Variants in SORBS2 observed in about 807,000 individuals in gnomAD.
SORBS2 encodes the protein sorbin and SH3 domain containing 2.
A neutral mutation model predicts 97.7 loss-of-function variants in SORBS2; 46 were observed. The observed-to-expected ratio is 0.47, with a 90% CI of 0.37 to 0.60. The LOEUF is 0.60. Among genes scored for constraint, SORBS2 ranks in the 20% least tolerant of loss-of-function variants. SORBS2 has a pLI of 0.00. For missense variants in SORBS2, 1,316 were observed against 1,282.3 expected (o/e 1.03, Z -0.40); for synonymous variants, 476 against 473.4 (o/e 1.01, Z -0.07).
At chr4:185,880,544 C>T (rs1360822869) in intron 1 of SORBS2, among the ~76,000 whole-genome samples, 11 of 152,148 alleles carry the variant, frequency 7.2e-5, no homozygotes, top group Admixed American at 5.2e-4. Context: ...CAAAGAATGT[C>T]TTGAAAGCAT....
chr4:185,929,182 C>A (rs1032174413), intron 1 of SORBS2, among the ~76,000 whole-genome samples: 2 of 152,232 alleles, frequency 1.3e-5, no homozygotes, highest in East Asian at 3.9e-4. Flanking sequence ...AGCTTGTTAC[C>A]ACTGTGGGTT....
intron 1 of SORBS2, among the ~76,000 whole-genome samples, chr4:185,786,011 T>C (rs1316436396): frequency 6.6e-6 from 1 of 152,210 alleles, no homozygotes; most frequent in Non-Finnish European, 1.5e-5. Flanking sequence ...AAAAATTATT[T>C]GCAAATTGAT....
intron 12 of SORBS2, among the ~76,000 whole-genome samples, chr4:185,605,881 G>C (rs2096406791): frequency 1.3e-5 from 2 of 152,170 alleles, no homozygotes; most frequent in Admixed American, 1.3e-4. Flanking sequence ...TTTGTTTTAA[G>C]AGAGAGGTTT....
chr4:185,915,810 T>G (rs2099257824), intron 1 of SORBS2, among the ~76,000 whole-genome samples: 1 of 152,098 alleles, frequency 6.6e-6, no homozygotes, highest in Non-Finnish European at 1.5e-5. Context: ...GGAACGTAGC[T>G]CTCTAAGAAG....
At chr4:185,886,387 C>T (rs899534041) in intron 1 of SORBS2, among the ~76,000 whole-genome samples, 72 of 151,898 alleles carry the variant, frequency 4.7e-4, no homozygotes, top group African/African-American at 1.6e-3. Context: ...AACCCCATCT[C>T]TACTAAAAAT....
intron 1 of SORBS2, among the ~76,000 whole-genome samples, chr4:185,655,695 A>T (rs1465752046): frequency 6.6e-6 from 1 of 152,232 alleles, no homozygotes; most frequent in Non-Finnish European, 1.5e-5. Flanking sequence ...GGCAGTTGAT[A>T]AACATTTTAA....
At chr4:185,940,286 T>C (rs529025454) in intron 1 of SORBS2, among the ~76,000 whole-genome samples, 1 of 152,342 alleles carries the variant, frequency 6.6e-6, no homozygotes, top group South Asian at 2.1e-4. Flanking sequence ...AGTTACCACT[T>C]GCAGGATCCC....
At chr4:185,807,796 G>C (rs1477814235) in intron 1 of SORBS2, among the ~76,000 whole-genome samples, 1 of 152,122 alleles carries the variant, frequency 6.6e-6, no homozygotes, top group Non-Finnish European at 1.5e-5. Context: ...GGATTTAACA[G>C]GCATATCCAT....
chr4:185,846,023 C>T (rs1414064381), intron 1 of SORBS2, among the ~76,000 whole-genome samples: 1 of 152,198 alleles, frequency 6.6e-6, no homozygotes, highest in Non-Finnish European at 1.5e-5. Context: ...AAACTTCATG[C>T]CACCTGGCAG....
At chr4:185,636,074 G>T (rs1201856736) in intron 4 of SORBS2, among the ~76,000 whole-genome samples, 1 of 152,072 alleles carries the variant, frequency 6.6e-6, no homozygotes, top group Non-Finnish European at 1.5e-5. Context: ...GGCCAGGCTG[G>T]TCTCGAACCC....
In SORBS2 at chr4:185,803,658, A is replaced by AT. The variant is rs1458300801; in HGVS notation, c.-337-28293dup. On this transcript the variant is annotated intron_variant, in intron 1 of 20. Coordinates refer to the SORBS2 transcript ENST00000284776. Reference sequence around the variant, plus strand: ...ATCCTTGGCACACTTTAGAAGGAAGATTTTTTTAATTAAAAAAGCCATATT... The same window carrying AT: ...ATCCTTGGCACACTTTAGAAGGAAGATTTTTTTTAATTAAAAAAGCCATATT... 4.6e-5 allele frequency among the ~76,000 whole-genome samples: 7 copies of AT among 152,214 alleles called. No individual in the cohort carries two copies. The East Asian group carries it at 7.7e-4, about 17-fold the overall frequency.
At chr4:185,833,524 A>T (rs989054107) in intron 1 of SORBS2, among the ~76,000 whole-genome samples, 1 of 152,196 alleles carries the variant, frequency 6.6e-6, no homozygotes, top group Non-Finnish European at 1.5e-5. Flanking sequence ...CCTTAAACAC[A>T]CTTTTTAAAT....
At chr4:185,661,481 C>T (rs1423232743), upstream of SORBS2, among the ~76,000 whole-genome samples, 3 of 152,150 alleles carry the variant, frequency 2.0e-5, no homozygotes, top group Admixed American at 6.5e-5. Flanking sequence ...CTCTATCTTT[C>T]ACTGAATTCC....
At chr4:185,886,416 A>G (rs535128373) in intron 1 of SORBS2, among the ~76,000 whole-genome samples, 64 of 152,032 alleles carry the variant, frequency 4.2e-4, no homozygotes, top group African/African-American at 1.4e-3. Flanking sequence ...TTAGCCGGGC[A>G]TGGTGGCGGT....
chr4:185,686,932 C>A (rs62336134), intron 2 of SORBS2, among the ~76,000 whole-genome samples: 41,135 of 152,070 alleles, frequency 0.27, 5,673 homozygotes, highest in Middle Eastern at 0.36. Context: ...GGGGCAGTGC[C>A]TGGTTTCAAC....
intron 9 of SORBS2, among the ~76,000 whole-genome samples, chr4:185,617,936 A>G (rs2096653161): frequency 6.6e-6 from 1 of 152,302 alleles, no homozygotes; most frequent in Admixed American, 6.5e-5. Context: ...AAATTCCCCC[A>G]GCTAGTGTTA....
intron 12 of SORBS2, among the ~76,000 whole-genome samples, chr4:185,596,930 T>G (rs1008671113): frequency 3.3e-5 from 5 of 152,182 alleles, no homozygotes; most frequent in African/African-American, 1.2e-4. Context: ...ATCAGTTTTC[T>G]ATACTGTTCA....
intron 2 of SORBS2, among the ~76,000 whole-genome samples, chr4:185,751,050 C>T (rs2098795596): frequency 6.6e-6 from 1 of 151,430 alleles, no homozygotes; most frequent in Admixed American, 6.6e-5. Context: ...GGAGACAAAA[C>T]ATACCACACG....
chr4:185,837,822 C>T (rs974967966), intron 1 of SORBS2, among the ~76,000 whole-genome samples: 13 of 151,386 alleles, frequency 8.6e-5, no homozygotes, highest in African/African-American at 2.9e-4. Context: ...AGACTATCCC[C>T]AAAGGCATAA....
Sources: gnomAD v4.1 joint callset for allele counts (sites outside exome capture counted in the v4.1 genomes callset) on GRCh38, gnomAD v4.1.1 for gene constraint, MANE v1.5 for transcripts, NCBI Gene and HGNC (gene_info 2026-07-23, HGNC 2026-07-21) for gene names.